UCHL5: variants seen among roughly 807,000 people sequenced by gnomAD.
The protein encoded by UCHL5 is ubiquitin carboxyl-terminal hydrolase isozyme L5.
Under a neutral mutation model 53.8 loss-of-function variants are expected in UCHL5, and 34 were observed. The observed-to-expected ratio is 0.63, with a 90% CI of 0.48 to 0.84. The LOEUF is 0.84. UCHL5 is among the 40% of genes least tolerant of loss of function. UCHL5 has a pLI of 0.00. For missense variants in UCHL5, 290 were observed against 385.6 expected, an observed-to-expected ratio of 0.75 and a Z score of 2.08; for synonymous variants, 111 against 126.3, an observed-to-expected ratio of 0.88 and a Z score of 0.81.
rs572246659 is a variant in UCHL5, at chr1:193,046,690, T to G, written c.246+3056A>C. On this transcript the variant is annotated intron_variant, in intron 3 of 10. Coordinates refer to ENST00000367454, the MANE Select transcript of UCHL5 (RefSeq NM_001199261.3). ...TTATAGAATATATAAATAATTAAAT[T>G]TATATATAAATTTATAATTTTTGTA... 1.9e-3 allele frequency among the ~76,000 whole-genome samples: 283 copies of G among 147,586 alleles called. 2 individuals carry two copies. The highest frequency in any genetic ancestry group is 6.7e-3 in the African/African-American group (273 of 40,874).
At chr1:193,048,850 A>G (rs1668145317) in intron 3 of UCHL5, among the ~76,000 whole-genome samples, 1 of 152,206 alleles carries the variant, frequency 6.6e-6, no homozygotes, top group South Asian at 2.1e-4. Flanking sequence ...TTAACATGTA[A>G]CAAGTTTATT....
At chr1:193,019,284 A>T (rs1571431774) in intron 10 of UCHL5, among the ~76,000 whole-genome samples, 2 of 151,618 alleles carry the variant, frequency 1.3e-5, no homozygotes, top group East Asian at 3.8e-4. Flanking sequence ...TTCCTTTCCC[A>T]AATTGTACCA....
intron 9 of UCHL5, among the ~76,000 whole-genome samples, 191 bp downstream of exon 9, chr1:193,022,735 T>A (rs1657571626): frequency 6.6e-6 from 1 of 151,548 alleles, no homozygotes; most frequent in East Asian, 1.9e-4. Flanking sequence ...ATTCTATTCC[T>A]AATAATATTT....
At chr1:193,021,221 T>C in intron 9 of UCHL5, 26 bp from the exon 10 acceptor site, 1 of 1,420,072 alleles carries the variant, frequency 7.0e-7, no homozygotes, top group South Asian at 1.2e-5. Flanking sequence ...CAATCCACAC[T>C]AACTACATTT....
chr1:193,025,879 G>A lies in UCHL5; in HGVS notation c.630-1933C>T, dbSNP rs145258468. Among the ~76,000 whole-genome samples the A allele has an allele frequency of 5.3e-5, 8 of 151,998 alleles. No individual in the cohort carries two copies. In the East Asian group the frequency reaches 5.8e-4, roughly 11 times the overall value. The stretch of plus-strand genomic sequence containing the variant: ...AGAGAAGAATACAATGAAAGGCATC[G>A]GTCTACCTGATTTCAAGACTTAGAG... On this transcript the variant is annotated intron_variant, in intron 7 of 10. Transcript: ENST00000367454.
At chr1:193,059,992 G>A (rs777984168), upstream of UCHL5, 6 of 1,365,912 alleles carry the variant, frequency 4.4e-6, no homozygotes, top group South Asian at 1.1e-5. The surrounding 1 kb of genome is among the most constrained non-coding windows in gnomAD (Gnocchi z 4.9). Flanking sequence ...AGGCCCGGCC[G>A]GACCATTCCT....
At chr1:193,022,805 C>A in intron 9 of UCHL5, 121 bp downstream of exon 9, 1 of 612,228 alleles carries the variant, frequency 1.6e-6, no homozygotes. Flanking sequence ...AGAGAATCAA[C>A]AAATTATTTG....
At chr1:193,019,979 A>G (rs1571442492) in intron 10 of UCHL5, 1 of 984,338 alleles carries the variant, frequency 1.0e-6, no homozygotes, top group South Asian at 4.7e-5. Context: ...CATCATATCT[A>G]GGTATTCTTG....
At chr1:193,043,322 T>C (rs1455917176) in intron 3 of UCHL5, among the ~76,000 whole-genome samples, 8 of 152,126 alleles carry the variant, frequency 5.3e-5, no homozygotes, top group African/African-American at 7.2e-5. Context: ...GTCTTCTTCC[T>C]GTACCTTTTA....
chr1:193,031,814 G>A (rs1376666874), intron 3 of UCHL5, among the ~76,000 whole-genome samples: 1 of 152,120 alleles, frequency 6.6e-6, no homozygotes, highest in Non-Finnish European at 1.5e-5. Context: ...CTATTTGAAA[G>A]AACTGTAACT....
chr1:193,028,281 T>A, intron 6 of UCHL5, 133 bp from the exon 7 acceptor site: 2 of 655,306 alleles, frequency 3.1e-6, no homozygotes, highest in Non-Finnish European at 2.4e-6. Context: ...CTTTTTAGTA[T>A]AATTATGTTG....
intron 10 of UCHL5, chr1:193,020,440 C>T: frequency 6.5e-7 from 1 of 1,542,384 alleles, no homozygotes; most frequent in Non-Finnish European, 8.8e-7. Flanking sequence ...AAGAATCCTT[C>T]CCCTATATCA....
chr1:193,052,377 CT>C (rs368128946), intron 1 of UCHL5, among the ~76,000 whole-genome samples: 1 of 151,936 alleles, frequency 6.6e-6, no homozygotes, highest in South Asian at 2.1e-4. Flanking sequence ...CAATGATAGA[CT>C]TTTTTTTATT....
rs1297010620 is a variant in UCHL5, at chr1:193,032,024, A to ACT, written c.247-2368_247-2367insAG. 2.0e-5 allele frequency among the ~76,000 whole-genome samples: 3 copies of ACT among 152,304 alleles called. No homozygotes were observed. In the East Asian group the frequency reaches 5.8e-4, roughly 29 times the overall value. ...CCCAGAACCTTAAGAGTTTGGTTTG[A>ACT]ATTCCTACGCCAGGGTATATAGTCT... On this transcript the variant is annotated intron_variant, in intron 3 of 10. Transcript: ENST00000367454.
chr1:193,060,019 C>G, upstream of UCHL5: 2 of 1,356,862 alleles, frequency 1.5e-6, no homozygotes, highest in Non-Finnish European at 9.8e-7. Context: ...GGGCCCTTTC[C>G]GAAGCCGGGA....
At chr1:193,023,089 T>C in intron 8 of UCHL5, 53 bp from the exon 9 acceptor site, 1 of 1,280,696 alleles carries the variant, frequency 7.8e-7, no homozygotes, top group East Asian at 2.3e-5. Flanking sequence ...AGGCTTACAT[T>C]CAGAATATTT....
intron 1 of UCHL5, among the ~76,000 whole-genome samples, chr1:193,055,021 T>C (rs930021717): frequency 3.3e-5 from 5 of 152,122 alleles, no homozygotes; most frequent in African/African-American, 1.2e-4. Context: ...ATTAAACAGA[T>C]TTGGCACCAA....
chr1:193,045,931 C>T (rs767500722), intron 3 of UCHL5, among the ~76,000 whole-genome samples: 57 of 152,156 alleles, frequency 3.7e-4, no homozygotes, highest in Non-Finnish European at 7.5e-4. Flanking sequence ...TTCTCTACTA[C>T]GTAGATCTTA....
intron 9 of UCHL5, among the ~76,000 whole-genome samples, chr1:193,021,445 T>C (rs1231579418): frequency 6.6e-6 from 1 of 152,174 alleles, no homozygotes; most frequent in African/African-American, 2.4e-5. Context: ...AATCTAACAT[T>C]ACTTATGAAA....
Sources: allele counts gnomAD v4.1 joint callset (sites outside exome capture counted in the v4.1 genomes callset), GRCh38; gene constraint gnomAD v4.1.1; non-coding constraint Gnocchi (gnomAD v3.1); transcripts MANE v1.5; gene names NCBI Gene and HGNC (gene_info 2026-07-23, HGNC 2026-07-21).